STXBP6: variants seen among roughly 807,000 people sequenced by gnomAD.
STXBP6 encodes syntaxin binding protein 6.
In STXBP6, 21 loss-of-function variants were observed where a neutral mutation model predicts 26.9. That is an observed-to-expected ratio of 0.78 (90% CI 0.55 to 1.12). STXBP6 has a LOEUF of 1.12. STXBP6 is among the 50% of genes most tolerant of loss of function. The probability of loss-of-function intolerance (pLI) is 0.00; values close to 1 mark genes in which losing one functional copy is unlikely to be tolerated. For missense variants in STXBP6, 232 were observed against 257.9 expected (o/e 0.90, Z 0.69); for synonymous variants, 97 against 92.6 (o/e 1.05, Z -0.27).
chr14:24,954,518 A>C (rs764643202), intron 2 of STXBP6, among the ~76,000 whole-genome samples: 2 of 152,150 alleles, frequency 1.3e-5, no homozygotes, highest in African/African-American at 2.4e-5. Flanking sequence ...CAGGCTCACT[A>C]GTGCCTTTTT....
At chr14:24,856,218 G>T in intron 3 of STXBP6, 117 bp from the exon 4 acceptor site, 5 of 1,037,742 alleles carry the variant, frequency 4.8e-6, no homozygotes, top group Non-Finnish European at 6.6e-6. Flanking sequence ...CAATCATAAG[G>T]CTCATCTTTA....
At chr14:24,897,324 G>A (rs576034226) in intron 2 of STXBP6, among the ~76,000 whole-genome samples, 1 of 149,356 alleles carries the variant, frequency 6.7e-6, no homozygotes, top group Non-Finnish European at 1.5e-5. Context: ...GCAGGAGAAT[G>A]GCATGAACCC....
intron 1 of STXBP6, among the ~76,000 whole-genome samples, chr14:25,038,877 G>C (rs1331578739): frequency 6.6e-6 from 1 of 152,088 alleles, no homozygotes; most frequent in African/African-American, 2.4e-5. Context: ...GGAGGGACCA[G>C]GGAGATGTTG....
At chr14:24,974,896 T>C in intron 1 of STXBP6, 46 bp from the exon 2 acceptor site, 1 of 1,308,018 alleles carries the variant, frequency 7.6e-7, no homozygotes. Context: ...GACAACATTG[T>C]AAGGGTTCAT....
At chr14:24,941,257 A>G (rs1291911631) in intron 2 of STXBP6, among the ~76,000 whole-genome samples, 3 of 152,186 alleles carry the variant, frequency 2.0e-5, no homozygotes, top group South Asian at 4.1e-4. Flanking sequence ...AAGTCCTACC[A>G]TCTAGTGGGA....
At chr14:25,005,797 G>A (rs2074880122) in intron 1 of STXBP6, among the ~76,000 whole-genome samples, 1 of 145,548 alleles carries the variant, frequency 6.9e-6, no homozygotes, top group Admixed American at 6.7e-5. Context: ...TAAAATAGTA[G>A]GGAAAAAACT....
intron 4 of STXBP6, among the ~76,000 whole-genome samples, chr14:24,854,579 AC>A (rs1432616469): frequency 2.6e-5 from 4 of 152,090 alleles, no homozygotes; most frequent in Non-Finnish European, 5.9e-5. Context: ...AGCAAACTCC[AC>A]CTAATGAAGA....
intron 4 of STXBP6, among the ~76,000 whole-genome samples, chr14:24,847,784 C>T (rs2069014160): frequency 6.6e-6 from 1 of 151,986 alleles, no homozygotes; most frequent in Admixed American, 6.6e-5. Flanking sequence ...TTTTTCTTTC[C>T]CACTGGAAGA....
rs1198237898 is a variant in STXBP6, at chr14:24,973,375, CTTCCTTTTT to C, written c.154+1281_154+1289del. Among the ~76,000 whole-genome samples, 29 of 135,058 alleles carry C rather than the reference CTTCCTTTTT, an allele frequency of 2.1e-4. 1 individual carries two copies. The East Asian group carries it at 2.6e-3, about 12-fold the overall frequency. 88.6% of individuals were successfully genotyped at this position (135,058 alleles called of 152,430 possible). On this transcript the variant is annotated intron_variant, in intron 2 of 5. Coordinates refer to ENST00000323944, the MANE Select transcript of STXBP6 (RefSeq NM_001394410.1). ...TCACACTTATTTAAATAAAAGCTTT[CTTCCTTTTT>C]TTTTTTTTTTTTTTTTTTTGAGACA... is the stretch of plus-strand genomic sequence containing the variant.
rs1468229296 is a variant in STXBP6, at chr14:24,960,429, C to T, written c.154+14236G>A. On this transcript the variant is annotated intron_variant, in intron 2 of 5. Transcript: ENST00000323944. The stretch of plus-strand genomic sequence containing the variant: ...ATAGATGCATATTTTAAATTACATA[C>T]ATGAACTACTATTCTACTATATTAT... Among the ~76,000 whole-genome samples the T allele has an allele frequency of 2.6e-5, 4 of 152,160 alleles. No individual in the cohort carries two copies. The East Asian group carries it at 7.7e-4, about 29-fold the overall frequency.
chr14:24,954,849 A>G (rs572909773), intron 2 of STXBP6, among the ~76,000 whole-genome samples: 2 of 152,356 alleles, frequency 1.3e-5, no homozygotes, highest in South Asian at 2.1e-4. Flanking sequence ...CTCTGTCCAC[A>G]GCGCAGATAT....
At chr14:25,027,446 C>T (rs977895463) in intron 1 of STXBP6, among the ~76,000 whole-genome samples, 47 of 152,282 alleles carry the variant, frequency 3.1e-4, no homozygotes, top group Admixed American at 2.7e-3. Flanking sequence ...TCAATAAATG[C>T]ACGTATTCTG....
intron 1 of STXBP6, among the ~76,000 whole-genome samples, chr14:24,989,807 C>T (rs1043918488): frequency 4.6e-5 from 7 of 152,224 alleles, no homozygotes; most frequent in East Asian, 3.8e-4. Flanking sequence ...CCAGGTATGA[C>T]GTGTCTTTCT....
intron 3 of STXBP6, 118 bp downstream of exon 3, chr14:24,856,909 G>T: frequency 7.9e-7 from 1 of 1,263,188 alleles, no homozygotes; most frequent in South Asian, 1.8e-5. Context: ...TCACATAATT[G>T]AAATAGAGAA....
chr14:24,836,282 G>A (rs955059312), intron 4 of STXBP6, among the ~76,000 whole-genome samples: 11 of 152,082 alleles, frequency 7.2e-5, no homozygotes, highest in South Asian at 4.1e-4. Flanking sequence ...GATAAATAGC[G>A]TTTGAAAATT....
intron 1 of STXBP6, among the ~76,000 whole-genome samples, chr14:24,976,355 C>T (rs2074044566): frequency 6.6e-6 from 1 of 152,186 alleles, no homozygotes; most frequent in Admixed American, 6.5e-5. Context: ...GAAATTTCTC[C>T]TAGTTTTTAT....
intron 2 of STXBP6, among the ~76,000 whole-genome samples, chr14:24,920,083 C>T (rs2139805368): frequency 6.6e-6 from 1 of 152,102 alleles, no homozygotes; most frequent in South Asian, 2.1e-4. Context: ...ATCTTCTCAA[C>T]TTAAGAGACC....
At chr14:24,827,496 T>G (rs1050283378) in intron 4 of STXBP6, among the ~76,000 whole-genome samples, 1 of 152,168 alleles carries the variant, frequency 6.6e-6, no homozygotes, top group African/African-American at 2.4e-5. Context: ...TTAATGGCTC[T>G]TCTGTTCACC....
chr14:24,952,875 T>A (rs995442917), intron 2 of STXBP6, among the ~76,000 whole-genome samples: 1 of 152,180 alleles, frequency 6.6e-6, no homozygotes. Context: ...CAGGAAGCTT[T>A]TGAGAGTAAG....
Sources: allele counts gnomAD v4.1 joint callset (sites outside exome capture counted in the v4.1 genomes callset), GRCh38; gene constraint gnomAD v4.1.1; transcripts MANE v1.5; gene names NCBI Gene and HGNC (gene_info 2026-07-23, HGNC 2026-07-21).